Variants in GRM7 observed in about 807,000 individuals in gnomAD.
GRM7 encodes metabotropic glutamate receptor 7.
A neutral mutation model predicts 84.5 loss-of-function variants in GRM7; 35 were observed. The ratio of observed to expected loss-of-function variants is 0.41; its 90% CI spans 0.32 to 0.55. The LOEUF (loss-of-function observed/expected upper bound fraction) is 0.55. Ranked by LOEUF, GRM7 falls within the 20% of genes least tolerant of loss-of-function variation. The pLI, the probability that GRM7 is intolerant of heterozygous loss-of-function variation, is 0.19. For synonymous variants in GRM7, 487 were observed against 455.1 expected (o/e 1.07, Z -0.89); for missense variants, 1,003 against 1,194.6 (o/e 0.84, Z 2.36).
chr3:7,379,007 T>C (rs1419717147), intron 4 of GRM7, among the ~76,000 whole-genome samples: 3 of 152,206 alleles, frequency 2.0e-5, no homozygotes, highest in African/African-American at 7.2e-5. Flanking sequence ...AGAAAATACC[T>C]TTATAACGTC....
At position 7,321,994 on chromosome 3, in the gene GRM7, C is replaced by A. The variant is rs186437784; in HGVS notation, c.1033+15342C>A. 4.3e-3 allele frequency among the ~76,000 whole-genome samples: 656 copies of A among 152,116 alleles called. 3 individuals are homozygous for A. The highest frequency in any genetic ancestry group is 6.9e-3 in the Non-Finnish European group (466 of 67,974). On this transcript the variant is annotated intron_variant, in intron 4 of 9. Coordinates refer to ENST00000357716, the MANE Select transcript of GRM7 (RefSeq NM_000844.4). ...AATTAGTGTGTGATTCCAAGAAAAA[C>A]CCCAGAATATTATGAACATCGTCAA...
At chr3:7,243,784 A>C (rs1424182493) in intron 2 of GRM7, among the ~76,000 whole-genome samples, 1 of 152,136 alleles carries the variant, frequency 6.6e-6, no homozygotes, top group Non-Finnish European at 1.5e-5. Context: ...CCTAGATGAC[A>C]TGCCTACTAT....
At chr3:6,877,053 T>A (rs949762774) in intron 1 of GRM7, among the ~76,000 whole-genome samples, 3 of 152,230 alleles carry the variant, frequency 2.0e-5, no homozygotes, top group Non-Finnish European at 2.9e-5. Flanking sequence ...GCCAATTGAA[T>A]GGAATTTTCC....
intron 4 of GRM7, among the ~76,000 whole-genome samples, chr3:7,333,905 G>T: frequency 6.6e-6 from 1 of 151,576 alleles, no homozygotes; most frequent in Admixed American, 6.6e-5. Flanking sequence ...AAGCCAATCA[G>T]ACAAAGACAA....
intron 4 of GRM7, among the ~76,000 whole-genome samples, chr3:7,373,304 A>G (rs993986708): frequency 6.6e-6 from 1 of 152,140 alleles, no homozygotes; most frequent in African/African-American, 2.4e-5. Context: ...GAACTGCCTA[A>G]TTTAGTTAGC....
At chr3:6,984,203 G>T (rs536404465) in intron 1 of GRM7, among the ~76,000 whole-genome samples, 1 of 152,176 alleles carries the variant, frequency 6.6e-6, no homozygotes, top group Non-Finnish European at 1.5e-5. Flanking sequence ...CTTGGAGGCC[G>T]TAGAAACTTG....
At chr3:7,318,529 G>A (rs1700661560) in intron 4 of GRM7, among the ~76,000 whole-genome samples, 2 of 152,166 alleles carry the variant, frequency 1.3e-5, no homozygotes, top group East Asian at 3.9e-4. Context: ...ATGGATGGCT[G>A]GAAGAAAAGT....
At chr3:7,251,186 A>G (rs931655073) in intron 2 of GRM7, among the ~76,000 whole-genome samples, 9 of 152,166 alleles carry the variant, frequency 5.9e-5, no homozygotes, top group African/African-American at 2.2e-4. Context: ...AATGAGTACC[A>G]AAAGGGATGT....
chr3:7,408,772 A>G (rs73810620), intron 4 of GRM7, among the ~76,000 whole-genome samples: 181 of 152,322 alleles, frequency 1.2e-3, no homozygotes, highest in African/African-American at 4.2e-3. Context: ...CAGGACAGCT[A>G]GTTCCTACAA....
Position 7,600,320 on chromosome 3 carries a change from G to C in GRM7, c.2451+20963G>C, listed in dbSNP as rs142908943. ...TCACAGAGAAATGTGGAATAAATGAGACACACACCAAATAAAATTCTCATT... is the reference window on the plus strand; with the variant it reads ...TCACAGAGAAATGTGGAATAAATGACACACACACCAAATAAAATTCTCATT... On this transcript the variant is annotated intron_variant, in intron 8 of 9. Transcript: ENST00000357716. 6.0e-3 allele frequency among the ~76,000 whole-genome samples: 920 copies of C among 152,254 alleles called. 8 individuals carry two copies. Among genetic ancestry groups the C allele is most frequent in the Middle Eastern group, 0.024 (7 of 294 alleles).
At chr3:6,947,132 G>C (rs1049490724) in intron 1 of GRM7, among the ~76,000 whole-genome samples, 6 of 151,796 alleles carry the variant, frequency 4.0e-5, no homozygotes, top group South Asian at 4.2e-4. Flanking sequence ...TCTTGTGCCA[G>C]TTTTCAAAAG....
chr3:6,944,807 G>A (rs955892497), intron 1 of GRM7, among the ~76,000 whole-genome samples: 5 of 152,118 alleles, frequency 3.3e-5, no homozygotes, highest in Admixed American at 2.0e-4. Context: ...TGGACCTGGA[G>A]TTTTTATTGT....
Position 7,339,799 on chromosome 3 carries a change from A to G in GRM7, c.1033+33147A>G, listed in dbSNP as rs572381415. 2.6e-5 allele frequency among the ~76,000 whole-genome samples: 4 copies of G among 152,220 alleles called. No individual in the cohort carries two copies. The South Asian group carries it at 8.3e-4, about 32-fold the overall frequency. On this transcript the variant is annotated intron_variant, in intron 4 of 9. Coordinates refer to ENST00000357716, the MANE Select transcript of GRM7 (RefSeq NM_000844.4). ...TGAGCTTTGTGATTTTTTTTCCTAA[A>G]TGGATGGTTGAATTGTTTCAACTAC...
chr3:7,311,349 A>C (rs980022793), intron 4 of GRM7, among the ~76,000 whole-genome samples: 31 of 151,932 alleles, frequency 2.0e-4, no homozygotes, highest in African/African-American at 6.8e-4. Flanking sequence ...GCCAGCATCC[A>C]CTGGACTCAT....
chr3:7,007,523 A>G (rs1194830497), intron 1 of GRM7, among the ~76,000 whole-genome samples: 1 of 152,176 alleles, frequency 6.6e-6, no homozygotes, highest in Non-Finnish European at 1.5e-5. Context: ...CTCTAAGAAC[A>G]TATTATCTTA....
At chr3:7,116,650 C>G (rs1693043827) in intron 1 of GRM7, among the ~76,000 whole-genome samples, 1 of 152,022 alleles carries the variant, frequency 6.6e-6, no homozygotes, top group African/African-American at 2.4e-5. Context: ...GGAGTGGTAC[C>G]ATGAAAAAAT....
In GRM7 at chr3:7,058,431, T is replaced by A. The variant is rs575958082; in HGVS notation, c.520-88021T>A. ...TAGGTTTGGAAGAATTAGCTCAATT[T>A]TTTTCTACAGAGAGGAACAAATTAC... On this transcript the variant is annotated intron_variant, in intron 1 of 9. Transcript: ENST00000357716. Among the ~76,000 whole-genome samples, 39 of 152,006 alleles carry A rather than the reference T, an allele frequency of 2.6e-4. No individual in the cohort carries two copies. In the South Asian group the frequency reaches 7.5e-3, roughly 29 times the overall value.
chr3:7,402,805 CTT>C (rs35688376), intron 4 of GRM7, among the ~76,000 whole-genome samples: 144 of 143,848 alleles, frequency 1.0e-3, no homozygotes, highest in Non-Finnish European at 1.2e-3. Context: ...TGTTGTTTTC[CTT>C]TTTTTTTTTT....
At chr3:6,992,696 C>A (rs964699243) in intron 1 of GRM7, among the ~76,000 whole-genome samples, 3 of 152,158 alleles carry the variant, frequency 2.0e-5, no homozygotes, top group Admixed American at 1.3e-4. Flanking sequence ...TGCTGCCCCA[C>A]AGGAGCCATA....
Sources: allele counts gnomAD v4.1 joint callset (sites outside exome capture counted in the v4.1 genomes callset), GRCh38; gene constraint gnomAD v4.1.1; transcripts MANE v1.5; gene names NCBI Gene and HGNC (gene_info 2026-07-23, HGNC 2026-07-21).